CDH12: variants seen among roughly 807,000 people sequenced by gnomAD.
The protein encoded by CDH12 is cadherin 12.
Under a neutral mutation model 74.1 loss-of-function variants are expected in CDH12, and 41 were observed. That is an observed-to-expected ratio of 0.55 (90% CI 0.43 to 0.72). The LOEUF is 0.72. CDH12 is among the 30% of genes least tolerant of loss of function. The pLI, the probability that CDH12 is intolerant of heterozygous loss-of-function variation, is 0.00. For missense variants in CDH12, 945 were observed against 977.2 expected, an observed-to-expected ratio of 0.97 and a Z score of 0.44; for synonymous variants, 399 against 355.0, an observed-to-expected ratio of 1.12 and a Z score of -1.39.
intron 4 of CDH12, among the ~76,000 whole-genome samples, chr5:22,148,246 C>A (rs1306900831): frequency 6.6e-6 from 1 of 152,208 alleles, no homozygotes; most frequent in Non-Finnish European, 1.5e-5. Context: ...CCCTCTAAAA[C>A]TAAAAGCTAC....
In CDH12 at chr5:21,793,488, G is replaced by A. The variant is rs190205213; in HGVS notation, c.1256+8679C>T. Among the ~76,000 whole-genome samples, 371 of 151,568 alleles carry A rather than the reference G, an allele frequency of 2.4e-3. 2 individuals are homozygous for A. The highest frequency in any genetic ancestry group is 8.6e-3 in the African/African-American group (355 of 41,428). Reference sequence around the variant, plus strand: ...AATTTACATTTTTGAATATTCAAACGTATTTATTCTGAAGTCCTTTTGAGA... The same window carrying A: ...AATTTACATTTTTGAATATTCAAACATATTTATTCTGAAGTCCTTTTGAGA... On this transcript the variant is annotated intron_variant, in intron 10 of 14. Coordinates refer to ENST00000382254, the MANE Select transcript of CDH12 (RefSeq NM_004061.5).
intron 4 of CDH12, among the ~76,000 whole-genome samples, chr5:22,120,061 A>G (rs1745414623): frequency 6.6e-6 from 1 of 152,190 alleles, no homozygotes; most frequent in Non-Finnish European, 1.5e-5. Context: ...CTAGGAAATC[A>G]AGGGGAAAAA....
At chr5:22,718,150 G>C (rs1371058804) in intron 1 of CDH12, among the ~76,000 whole-genome samples, 2 of 152,246 alleles carry the variant, frequency 1.3e-5, no homozygotes, top group Non-Finnish European at 2.9e-5. Flanking sequence ...TTCCTGAAAA[G>C]AACATCAGTT....
intron 6 of CDH12, among the ~76,000 whole-genome samples, chr5:21,953,634 T>C (rs1043645696): frequency 3.3e-5 from 5 of 152,192 alleles, no homozygotes; most frequent in Non-Finnish European, 7.3e-5. Context: ...TGTTTCCAAT[T>C]TTAGTTCTTT....
intron 11 of CDH12, among the ~76,000 whole-genome samples, chr5:21,780,799 C>T (rs17261751): frequency 0.014 from 2,198 of 152,152 alleles, 22 homozygotes; most frequent in Middle Eastern, 0.044. Context: ...TCTTATAAAA[C>T]GAAAGTGGAT....
chr5:22,478,417 C>CAAAAAAAA (rs34576542), intron 2 of CDH12, among the ~76,000 whole-genome samples: 2 of 88,458 alleles, frequency 2.3e-5, no homozygotes, highest in African/African-American at 4.7e-5. Flanking sequence ...GACTCCGTCT[C>CAAAAAAAA]AAAAAAAAAA....
chr5:22,616,794 A>G (rs550751285), intron 1 of CDH12, among the ~76,000 whole-genome samples: 1 of 152,184 alleles, frequency 6.6e-6, no homozygotes, highest in African/African-American at 2.4e-5. Flanking sequence ...TGATGGTATT[A>G]GGAGGTAGGA....
intron 2 of CDH12, among the ~76,000 whole-genome samples, chr5:22,419,212 CG>C (rs1433657129): frequency 2.0e-5 from 3 of 152,080 alleles, no homozygotes; most frequent in African/African-American, 7.2e-5. Flanking sequence ...CCGGTAAACA[CG>C]GGTGTGCTTT....
intron 1 of CDH12, among the ~76,000 whole-genome samples, chr5:22,763,348 T>A (rs865903967): frequency 6.6e-6 from 1 of 151,966 alleles, no homozygotes; most frequent in African/African-American, 2.4e-5. Context: ...ATTATCACAA[T>A]ATAAAAGAAA....
intron 2 of CDH12, among the ~76,000 whole-genome samples, chr5:22,467,772 C>T (rs1274829595): frequency 6.6e-6 from 1 of 152,072 alleles, no homozygotes; most frequent in Admixed American, 6.6e-5. Context: ...CCAGTTTCAC[C>T]CATCCCTGAA....
intron 2 of CDH12, among the ~76,000 whole-genome samples, chr5:22,498,319 C>T (rs1309750282): frequency 6.6e-6 from 1 of 151,896 alleles, no homozygotes; most frequent in Non-Finnish European, 1.5e-5. Context: ...TTTGTATTCT[C>T]CTCACTAGAA....
chr5:22,821,792 A>G (rs1244716225), intron 1 of CDH12, among the ~76,000 whole-genome samples: 2 of 151,392 alleles, frequency 1.3e-5, no homozygotes, highest in Non-Finnish European at 2.9e-5. Flanking sequence ...ATATCATGAA[A>G]ATGGCCATAC....
intron 5 of CDH12, among the ~76,000 whole-genome samples, chr5:22,031,521 AC>A (rs1487277942): frequency 1.3e-5 from 2 of 152,122 alleles, no homozygotes; most frequent in African/African-American, 4.8e-5. Context: ...AAGTTGGCTG[AC>A]TATTCTGCAC....
At chr5:22,152,980 T>A (rs554289750) in intron 4 of CDH12, among the ~76,000 whole-genome samples, 6 of 152,150 alleles carry the variant, frequency 3.9e-5, no homozygotes, top group Non-Finnish European at 7.4e-5. Flanking sequence ...ATTGTGTACA[T>A]ATGCCACAAT....
chr5:22,791,482 C>T lies in CDH12; in HGVS notation c.-523+61576G>A, dbSNP rs7724747. 7.0e-3 allele frequency among the ~76,000 whole-genome samples: 1,065 copies of T among 152,204 alleles called. 9 individuals are homozygous for T. The highest frequency in any genetic ancestry group is 0.024 in the African/African-American group (1,006 of 41,516). ...TTTAATGCCTTAAAAAAGAAATATG[C>T]GATTCCCTTTAATGTAGAAAGACAT... On this transcript the variant is annotated intron_variant, in intron 1 of 14. Coordinates refer to ENST00000382254, the MANE Select transcript of CDH12 (RefSeq NM_004061.5).
chr5:22,465,990 T>C (rs1745714010), intron 2 of CDH12, among the ~76,000 whole-genome samples: 1 of 152,210 alleles, frequency 6.6e-6, no homozygotes, highest in Non-Finnish European at 1.5e-5. Flanking sequence ...CATCATAAGA[T>C]TAGGGTTCCT....
At chr5:22,730,421 C>A (rs1303286599) in intron 1 of CDH12, among the ~76,000 whole-genome samples, 1 of 151,750 alleles carries the variant, frequency 6.6e-6, no homozygotes, top group Non-Finnish European at 1.5e-5. Context: ...AATATCTCAG[C>A]AGTAGGCAGT....
At position 21,940,975 on chromosome 5, in the gene CDH12, A is replaced by T. The variant is rs4351113; in HGVS notation, c.526+34116T>A. On this transcript the variant is annotated intron_variant, in intron 6 of 14. Coordinates refer to ENST00000382254, the MANE Select transcript of CDH12 (RefSeq NM_004061.5). ...CAATTTGTCGGTAAACCATCTTTAAATCTATGTTTATACTTGAAATCTACT... is the reference window on the plus strand; with the variant it reads ...CAATTTGTCGGTAAACCATCTTTAATTCTATGTTTATACTTGAAATCTACT... 2.9e-3 allele frequency among the ~76,000 whole-genome samples: 436 copies of T among 152,308 alleles called. 2 individuals are homozygous for T. The highest frequency in any genetic ancestry group is 3.6e-3 in the Non-Finnish European group (244 of 68,022).
At chr5:21,889,109 G>A (rs933510241) in intron 6 of CDH12, among the ~76,000 whole-genome samples, 12 of 151,918 alleles carry the variant, frequency 7.9e-5, no homozygotes, top group African/African-American at 2.4e-4. Context: ...TCCAGAAAAC[G>A]TAAGATCAAC....
Sources: allele counts gnomAD v4.1 joint callset (sites outside exome capture counted in the v4.1 genomes callset), GRCh38; gene constraint gnomAD v4.1.1; transcripts MANE v1.5; gene names NCBI Gene and HGNC (gene_info 2026-07-23, HGNC 2026-07-21).